PUM2: variants seen among roughly 807,000 people sequenced by gnomAD.
PUM2 encodes pumilio homolog 2.
PUM2 carries 57 observed loss-of-function variants against 124.5 expected under a neutral mutation model. That is an observed-to-expected ratio of 0.46 (90% CI 0.37 to 0.57). PUM2 has a LOEUF of 0.57. Among genes scored for constraint, PUM2 ranks in the 20% least tolerant of loss-of-function variants. The probability of loss-of-function intolerance (pLI) is 0.00; values close to 1 mark genes in which losing one functional copy is unlikely to be tolerated. For synonymous variants in PUM2, 460 were observed against 446.1 expected, an observed-to-expected ratio of 1.03 and a Z score of -0.39; for missense variants, 1,065 against 1,290.6, an observed-to-expected ratio of 0.83 and a Z score of 2.68.
chr2:20,340,391 T>C (rs1315629910), intron 1 of PUM2, among the ~76,000 whole-genome samples: 2 of 152,204 alleles, frequency 1.3e-5, no homozygotes, highest in African/African-American at 2.4e-5. Context: ...AGTTCTACCT[T>C]TCTCAGTACA....
At chr2:20,268,244 C>T (rs561002566) in intron 13 of PUM2, among the ~76,000 whole-genome samples, 28 of 152,228 alleles carry the variant, frequency 1.8e-4, no homozygotes, top group African/African-American at 6.3e-4. Context: ...AGTATGGGGA[C>T]TAATTAATTA....
upstream of PUM2, among the ~76,000 whole-genome samples, chr2:20,351,059 C>A (rs1330127414): frequency 6.6e-6 from 1 of 152,174 alleles, no homozygotes; most frequent in Non-Finnish European, 1.5e-5. Flanking sequence ...TGCGGGCTCG[C>A]GCTTCCCTCC....
intron 17 of PUM2, among the ~76,000 whole-genome samples, chr2:20,255,757 G>GA (rs1416581490): frequency 4.6e-5 from 7 of 152,100 alleles, no homozygotes; most frequent in African/African-American, 1.7e-4. Context: ...GAGTAAACCT[G>GA]AAAACATCGT....
At chr2:20,265,215 G>A (rs569222884) in intron 13 of PUM2, among the ~76,000 whole-genome samples, 1 of 149,556 alleles carries the variant, frequency 6.7e-6, no homozygotes, top group African/African-American at 2.5e-5. Flanking sequence ...TTGCACCACC[G>A]CAGTCCAGCC....
chr2:20,290,163 TATC>T (rs1416153837), intron 10 of PUM2, among the ~76,000 whole-genome samples: 1 of 152,208 alleles, frequency 6.6e-6, no homozygotes, highest in Non-Finnish European at 1.5e-5. Flanking sequence ...AAAGACACAT[TATC>T]GACACTGTTG....
At chr2:20,321,348 A>G (rs1475561398) in intron 2 of PUM2, among the ~76,000 whole-genome samples, 4 of 152,034 alleles carry the variant, frequency 2.6e-5, no homozygotes, top group Admixed American at 6.6e-5. Flanking sequence ...AGCGGGGGGG[A>G]GGGGAGTCTG....
intron 10 of PUM2, among the ~76,000 whole-genome samples, chr2:20,290,366 T>A (rs1005305213): frequency 1.3e-5 from 2 of 152,190 alleles, no homozygotes; most frequent in Non-Finnish European, 2.9e-5. Context: ...TGAAGCAATA[T>A]ATTAAAAATT....
chr2:20,255,976 T>A (rs758244913), intron 17 of PUM2, 57 bp downstream of exon 17: 1 of 1,450,390 alleles, frequency 6.9e-7, no homozygotes. Flanking sequence ...CGTGTTGATA[T>A]TCAAAATTCT....
At position 20,321,875 on chromosome 2, in the gene PUM2, T is replaced by C. The variant is rs149409626; in HGVS notation, c.52-3230A>G. ...TGTTTCTTATCAATCTGCTCTTCTA[T>C]CCTAACTCCAGTGTTTGAGGGAATA... On this transcript the variant is annotated intron_variant, in intron 2 of 20. Transcript: ENST00000361078. Among the ~76,000 whole-genome samples the C allele has an allele frequency of 3.5e-4, 54 of 152,222 alleles. No homozygotes were observed. In the East Asian group the frequency reaches 0.01, roughly 29 times the overall value.
intron 1 of PUM2, chr2:20,331,779 G>C (rs1684971350): frequency 6.6e-6 from 1 of 152,136 alleles, no homozygotes; most frequent in South Asian, 2.1e-4. Flanking sequence ...ATAAGTTAAA[G>C]AACCTCTGGA....
rs999164787 is a variant in PUM2 at position 20,350,446 on chromosome 2, G to A, written c.-19+151C>T. The A allele has an allele frequency of 2.7e-5, 26 of 974,312 alleles. No individual in the cohort carries two copies. In the African/African-American group the frequency reaches 4.4e-4, roughly 16 times the overall value. The allele number at this position is 974,312 out of a possible 1,614,324, so 60.4% of individuals were successfully genotyped here. ...CCCCTCCCCCTGCATTGTGCGAGCG[G>A]GCCCCAGGCCGCACCGGCCCGGGCA... On this transcript the variant is annotated intron_variant, in intron 1 of 20. Coordinates refer to ENST00000361078, the MANE Select transcript of PUM2 (RefSeq NM_015317.5).
intron 13 of PUM2, among the ~76,000 whole-genome samples, chr2:20,276,863 A>C (rs1174576768): frequency 6.6e-6 from 1 of 152,092 alleles, no homozygotes; most frequent in Non-Finnish European, 1.5e-5. Flanking sequence ...ATCAGATTTC[A>C]AGCTGAAGCT....
Position 20,308,582 on chromosome 2 carries a change from C to A in PUM2, c.521G>T (p.Arg174Leu), listed in dbSNP as rs377531193. The A allele has an allele frequency of 6.3e-7, 1 of 1,593,244 alleles. No individual in the cohort carries two copies. ...AGAGGCTTGACGACTTCCAGGAGTACGACTACATAAAGAAAATAGAAAAGC... is the reference window on the plus strand; with the variant it reads ...AGAGGCTTGACGACTTCCAGGAGTAAGACTACATAAAGAAAATAGAAAAGC... ...GMDADCKDFN[R>L]TPGSRQASPT... is the part of the protein sequence containing the mutation. Residue 174 changes from arginine (R) to leucine (L), a missense_variant and splice_region_variant, in exon 6 of 21, where the codon CGT becomes CTT. By Grantham distance (102) the Arg-to-Leu change is moderately radical (BLOSUM62 -2). This residue lies in a region of PUM2 where 968 missense variants were observed against 1,159.8 expected (regional missense o/e 0.83). Coordinates refer to ENST00000361078, the MANE Select transcript of PUM2 (RefSeq NM_015317.5).
intron 8 of PUM2, 66 bp from the exon 9 acceptor site, chr2:20,294,584 C>A: frequency 6.8e-7 from 1 of 1,470,764 alleles, no homozygotes; most frequent in South Asian, 1.4e-5. Flanking sequence ...AGGTTAGCTA[C>A]CTATCATCAG....
chr2:20,322,827 A>G (rs561090597), intron 2 of PUM2, among the ~76,000 whole-genome samples: 6 of 152,236 alleles, frequency 3.9e-5, no homozygotes, highest in African/African-American at 1.2e-4. Context: ...AAAAACAAAC[A>G]AAACAAACAA....
intron 13 of PUM2, among the ~76,000 whole-genome samples, chr2:20,266,444 C>G (rs1323161539): frequency 7.1e-6 from 1 of 140,742 alleles, no homozygotes; most frequent in East Asian, 2.1e-4. Context: ...GACCTTGTCT[C>G]AAAAACGAAA....
At chr2:20,334,362 C>T (rs1685541818) in intron 1 of PUM2, among the ~76,000 whole-genome samples, 1 of 152,050 alleles carries the variant, frequency 6.6e-6, no homozygotes, top group South Asian at 2.1e-4. Flanking sequence ...ATATCTGGTT[C>T]AATTTCTTAC....
chr2:20,260,009 T>C (rs79528027), intron 15 of PUM2, among the ~76,000 whole-genome samples: 1 of 152,214 alleles, frequency 6.6e-6, no homozygotes, highest in African/African-American at 2.4e-5. Context: ...CATTGTGAGA[T>C]TGATCTGCAT....
Position 20,253,967 on chromosome 2 carries a change from G to A in PUM2, c.2918C>T (p.Ala973Val). Residue 973 changes from alanine to valine, a missense_variant, in exon 20 of 21, where the codon GCT becomes GTT. This residue lies in a region of PUM2 where 968 missense variants were observed against 1,159.8 expected (regional missense o/e 0.83). Coordinates refer to ENST00000361078, the MANE Select transcript of PUM2 (RefSeq NM_015317.5). ...CVTHASRAER[A>V]LLIDEVCCQN... ...GCAGCAAACCTCGTCAATCAGTAAA[G>A]CTCTCTCAGCACGGGAGGCATGAGT... 2 of 1,614,070 alleles carry A rather than the reference G, an allele frequency of 1.2e-6. No homozygotes were observed. Among genetic ancestry groups the A allele is most frequent in the Non-Finnish European group, 8.5e-7 (1 of 1,179,976 alleles).
Sources: gnomAD v4.1 joint callset for allele counts (sites outside exome capture counted in the v4.1 genomes callset) on GRCh38, gnomAD v4.1.1 for gene constraint, gnomAD v4.1.1 regional missense constraint, MANE v1.5 for transcripts, NCBI Gene and HGNC (gene_info 2026-07-23, HGNC 2026-07-21) for gene names.